Variants in ETV2 observed in about 807,000 individuals in gnomAD.
The protein encoded by ETV2 is ETS variant transcription factor 2.
ETV2 carries 34 observed loss-of-function variants against 35.7 expected under a neutral mutation model. That is an observed-to-expected ratio of 0.95 (90% CI 0.72 to 1.27). ETV2 has a LOEUF of 1.27. Among genes scored for constraint, ETV2 ranks in the 50% most tolerant of loss-of-function variants. The pLI is 0.00. For missense variants in ETV2, 512 were observed against 470.5 expected (o/e 1.09, Z -0.82); for synonymous variants, 207 against 203.9 (o/e 1.02, Z -0.13).
Position 35,644,592 on chromosome 19 carries a change from C to T in ETV2, c.829-60C>T. 6.7e-7 allele frequency: 1 copy of T among 1,495,312 alleles called. No homozygotes were observed. Among genetic ancestry groups the T allele is most frequent in the Non-Finnish European group, 9.0e-7 (1 of 1,110,104 alleles). 92.6% of individuals were successfully genotyped at this position (1,495,312 alleles called of 1,614,324 possible). On this transcript the variant is annotated intron_variant, in intron 6 of 6. Coordinates refer to ENST00000402764, the MANE Select transcript of ETV2 (RefSeq NM_014209.4). This position sits in a 1 kb window ranked among gnomAD's most constrained non-coding sequence, Gnocchi z 4.7. ...CTGCACACCGCCCCCAGGCCCGGCC[C>T]TCCCCACTATCGCCAAGCCCCGCCC...
rs1477327240 is a variant in ETV2, at chr19:35,644,184, G to A, written c.716-51G>A. ...CCCGGACCTCTAGATCATTGAAGTG[G>A]TGTGATCTAGGGCCGGGAAGACTGA... On this transcript the variant is annotated intron_variant, in intron 5 of 6. Coordinates refer to ENST00000402764, the MANE Select transcript of ETV2 (RefSeq NM_014209.4). This position sits in a 1 kb window ranked among gnomAD's most constrained non-coding sequence, Gnocchi z 4.7. 3.9e-5 allele frequency: 48 copies of A among 1,230,340 alleles called. No homozygotes were observed. The highest frequency in any genetic ancestry group is 5.4e-5 in the Non-Finnish European group (46 of 855,662). 76.2% of individuals were successfully genotyped at this position (1,230,340 alleles called of 1,614,324 possible).
At position 35,642,422 on chromosome 19, in the gene ETV2, T is replaced by C; in HGVS notation, c.-27-12T>C. 1.4e-6 allele frequency: 2 copies of C among 1,455,334 alleles called. No homozygotes were observed. Among genetic ancestry groups the C allele is most frequent in the South Asian group, 1.3e-5 (1 of 78,042 alleles). The allele number at this position is 1,455,334 out of a possible 1,614,324, so 90.2% of individuals were successfully genotyped here. On this transcript the variant is annotated splice_polypyrimidine_tract_variant and intron_variant, in intron 1 of 6. Coordinates refer to ENST00000402764, the MANE Select transcript of ETV2 (RefSeq NM_014209.4). This position sits in a 1 kb window ranked among gnomAD's most constrained non-coding sequence, Gnocchi z 4.4. ...AGCTCACCCATTGCCATCTGGACTT[T>C]TCCCGACCCAGAACATTCAGAAGGC...
rs771297959 is a variant in ETV2 at position 35,644,818 on chromosome 19, G to A, written c.995G>A (p.Cys332Tyr). 5.6e-6 allele frequency: 9 copies of A among 1,611,176 alleles called. No homozygotes were observed. The South Asian group carries it at 9.9e-5, about 18-fold the overall frequency. Residue 332 changes from cysteine to tyrosine, a missense_variant, in exon 7 of 7, where the codon TGT becomes TAT. By Grantham distance (194) the Cys-to-Tyr change is radical. Coordinates refer to ENST00000402764, the MANE Select transcript of ETV2 (RefSeq NM_014209.4). The surrounding 1 kb of genome is among the most constrained non-coding windows in gnomAD (Gnocchi z 4.7). Reference sequence around the variant, plus strand: ...GTGCCCAGCCTAGCCTATCCGGACTGTGCGGGAGGCGGACGGGGAGCAGAG... The same window carrying A: ...GTGCCCAGCCTAGCCTATCCGGACTATGCGGGAGGCGGACGGGGAGCAGAG... ...GRVPSLAYPD[C>Y]AGGGRGAETQ
Position 35,643,827 on chromosome 19 carries a change from G to GGGGCCC in ETV2, c.715+78_715+83dup. 1 of 1,589,484 alleles carries GGGGCCC rather than the reference G, an allele frequency of 6.3e-7. No homozygotes were observed. On this transcript the variant is annotated intron_variant, in intron 5 of 6. Transcript: ENST00000402764. The surrounding 1 kb of genome is among the most constrained non-coding windows in gnomAD (Gnocchi z 5.0). ...CCGGGACCCAGGCACCTAAGGGGGC[G>GGGGCCC]GGGCCCGGGAGACTGACAGTGAGGG...
Position 35,643,073 on chromosome 19 carries a change from TG to T in ETV2, c.235+32del. The T allele has an allele frequency of 7.0e-7, 1 of 1,421,556 alleles. No homozygotes were observed. The highest frequency in any genetic ancestry group is 9.6e-7 in the Non-Finnish European group (1 of 1,039,454). The allele number at this position is 1,421,556 out of a possible 1,614,324, so 88.1% of individuals were successfully genotyped here. ...GAGTGTGGGGAGAGGCGGTGGGAGG[TG>T]GGGACTGGGGTCCCGAGGCACCGGG... On this transcript the variant is annotated intron_variant, in intron 4 of 6. Transcript: ENST00000402764. This position sits in a 1 kb window ranked among gnomAD's most constrained non-coding sequence, Gnocchi z 5.0.
chr19:35,643,186 C>T lies in ETV2; in HGVS notation c.236-88C>T, dbSNP rs1282427656. 3 of 1,508,938 alleles carry T rather than the reference C, an allele frequency of 2.0e-6. No individual in the cohort carries two copies. Among genetic ancestry groups the T allele is most frequent in the Admixed American group, 4.5e-5 (2 of 44,716 alleles). 93.5% of individuals were successfully genotyped at this position (1,508,938 alleles called of 1,614,324 possible). ...TGACCTGGATCCGGGTCAGCCGGGC[C>T]CCAAGTGCCAGGGTTGAGAGCTTAG... is the stretch of plus-strand genomic sequence containing the variant. On this transcript the variant is annotated intron_variant, in intron 4 of 6. Coordinates refer to ENST00000402764, the MANE Select transcript of ETV2 (RefSeq NM_014209.4). This position sits in a 1 kb window ranked among gnomAD's most constrained non-coding sequence, Gnocchi z 5.0.
Position 35,643,042 on chromosome 19 carries a change from G to T in ETV2, c.232G>T (p.Ala78Ser), listed in dbSNP as rs761855999. 1.3e-6 allele frequency: 2 copies of T among 1,560,474 alleles called. No individual in the cohort carries two copies. The highest frequency in any genetic ancestry group is 1.4e-5 in the African/African-American group (1 of 73,632). ...ACTGCACCCAGAAGTTCCATGGGGG[G>T]CGGGTGAGTGTGGGGAGAGGCGGTG... is the stretch of plus-strand genomic sequence containing the variant. Reference protein sequence around the residue: ...ALLHPEVPWGAEPDSQALPWS... With the variant: ...ALLHPEVPWGSEPDSQALPWS... The change falls in exon 4 of 7, where the codon GCG becomes TCG. Residue 78 changes from alanine to serine, a missense_variant. Ala to Ser is a moderately conservative substitution (Grantham distance 99). Coordinates refer to ENST00000402764, the MANE Select transcript of ETV2 (RefSeq NM_014209.4). This position sits in a 1 kb window ranked among gnomAD's most constrained non-coding sequence, Gnocchi z 5.0.
In ETV2 at chr19:35,644,576, G is replaced by A; in HGVS notation, c.829-76G>A. ...CTCGCCCAGGTCTGCACTGCACACC[G>A]CCCCCAGGCCCGGCCCTCCCCACTA... On this transcript the variant is annotated intron_variant, in intron 6 of 6. Coordinates refer to ENST00000402764, the MANE Select transcript of ETV2 (RefSeq NM_014209.4). The surrounding 1 kb of genome is among the most constrained non-coding windows in gnomAD (Gnocchi z 4.7). The A allele has an allele frequency of 1.4e-6, 2 of 1,413,876 alleles. No individual in the cohort carries two copies. Among genetic ancestry groups the A allele is most frequent in the Non-Finnish European group, 1.9e-6 (2 of 1,047,570 alleles). 87.6% of individuals were successfully genotyped at this position (1,413,876 alleles called of 1,614,324 possible). A position where few individuals can be genotyped will look rare whatever the true frequency, so the allele number is the denominator to read the frequency against.
In ETV2 at chr19:35,644,230, C is replaced by CG; in HGVS notation, c.716-4dup. ...ACTGAGTGTGCCCCTCCCTTCATCC[C>CG]GCAGGTCCCATTCAGCTGTGGCAGT... On this transcript the variant is annotated splice_region_variant and splice_polypyrimidine_tract_variant and intron_variant, in intron 5 of 6. Transcript: ENST00000402764. This position sits in a 1 kb window ranked among gnomAD's most constrained non-coding sequence, Gnocchi z 4.7. The CG allele has an allele frequency of 6.5e-7, 1 of 1,544,682 alleles. No individual in the cohort carries two copies. The highest frequency in any genetic ancestry group is 8.8e-7 in the Non-Finnish European group (1 of 1,138,446).
At position 35,644,391 on chromosome 19, in the gene ETV2, T is replaced by A; in HGVS notation, c.828+44T>A. ...CCAGCCAAATCCGCCCCGTCTCTTC[T>A]AGTTCAATTTAGCTCCGCCCAAGGG... is the stretch of plus-strand genomic sequence containing the variant. On this transcript the variant is annotated intron_variant, in intron 6 of 6. Transcript: ENST00000402764. The surrounding 1 kb of genome is among the most constrained non-coding windows in gnomAD (Gnocchi z 4.7). The A allele has an allele frequency of 7.8e-7, 1 of 1,282,710 alleles. No homozygotes were observed. The highest frequency in any genetic ancestry group is 1.1e-6 in the Non-Finnish European group (1 of 905,386). 79.5% of individuals were successfully genotyped at this position (1,282,710 alleles called of 1,614,324 possible). A position where few individuals can be genotyped will look rare whatever the true frequency, so the allele number is the denominator to read the frequency against.
At position 35,642,683 on chromosome 19, in the gene ETV2, G is replaced by A; in HGVS notation, c.139G>A (p.Glu47Lys). The A allele has an allele frequency of 6.2e-7, 1 of 1,600,356 alleles. No homozygotes were observed. Among genetic ancestry groups the A allele is most frequent in the Admixed American group, 1.7e-5 (1 of 57,618 alleles). The part of the protein sequence containing the change: ...LQGDTPTATA[E>K]TCWKGTSSSL... ...AGGGGACACGCCGACAGCGACAGCA[G>A]AGACATGCTGGAAAGGTGGCTGCGG... Residue 47 changes from glutamate to lysine, a missense_variant, in exon 3 of 7, where the codon GAG becomes AAG. Transcript: ENST00000402764. This position sits in a 1 kb window ranked among gnomAD's most constrained non-coding sequence, Gnocchi z 4.4.
Position 35,644,142 on chromosome 19 carries a change from G to C in ETV2, c.716-93G>C, listed in dbSNP as rs763928279. The stretch of plus-strand genomic sequence containing the variant: ...GGCGGATCCCCTTCTCGGGTCCTGG[G>C]TCCCGAGTTGGGAGGACCCGGACCT... On this transcript the variant is annotated intron_variant, in intron 5 of 6. Transcript: ENST00000402764. This position sits in a 1 kb window ranked among gnomAD's most constrained non-coding sequence, Gnocchi z 4.7. 1.1e-6 allele frequency: 1 copy of C among 870,038 alleles called. No individual in the cohort carries two copies. The highest frequency in any genetic ancestry group is 1.7e-5 in the African/African-American group (1 of 60,232). 53.9% of individuals were successfully genotyped at this position (870,038 alleles called of 1,614,324 possible). A position where few individuals can be genotyped will look rare whatever the true frequency, so the allele number is the denominator to read the frequency against.
chr19:35,643,826 C>A lies in ETV2; in HGVS notation c.715+73C>A. 6.3e-7 allele frequency: 1 copy of A among 1,584,058 alleles called. No homozygotes were observed. The highest frequency in any genetic ancestry group is 8.6e-7 in the Non-Finnish European group (1 of 1,168,676). On this transcript the variant is annotated intron_variant, in intron 5 of 6. Coordinates refer to ENST00000402764, the MANE Select transcript of ETV2 (RefSeq NM_014209.4). The surrounding 1 kb of genome is among the most constrained non-coding windows in gnomAD (Gnocchi z 5.0). ...GCCGGGACCCAGGCACCTAAGGGGG[C>A]GGGGCCCGGGAGACTGACAGTGAGG... is the stretch of plus-strand genomic sequence containing the variant.
In ETV2 at chr19:35,642,482, G is replaced by A. The variant is rs1967626602; in HGVS notation, c.22G>A (p.Glu8Lys). Residue 8 changes from glutamate to lysine, a missense_variant, in exon 2 of 7, where the codon GAG becomes AAG. Transcript: ENST00000402764. This position sits in a 1 kb window ranked among gnomAD's most constrained non-coding sequence, Gnocchi z 4.4. ...ATCCATGGACCTGTGGAACTGGGAT[G>A]AGGCATCCCCACAGGAAGTGCCTCC... MDLWNWDEASPQEVPPGN... is the reference protein window; with the variant it reads MDLWNWDKASPQEVPPGN... 6.2e-7 allele frequency: 1 copy of A among 1,607,304 alleles called. No individual in the cohort carries two copies. The highest frequency in any genetic ancestry group is 8.5e-7 in the Non-Finnish European group (1 of 1,176,260).
Position 35,644,178 on chromosome 19 carries a change from G to C in ETV2, c.716-57G>C. On this transcript the variant is annotated intron_variant, in intron 5 of 6. Coordinates refer to ENST00000402764, the MANE Select transcript of ETV2 (RefSeq NM_014209.4). The surrounding 1 kb of genome is among the most constrained non-coding windows in gnomAD (Gnocchi z 4.7). ...GGAGGACCCGGACCTCTAGATCATT[G>C]AAGTGGTGTGATCTAGGGCCGGGAA... The C allele has an allele frequency of 8.5e-7, 1 of 1,179,388 alleles. No individual in the cohort carries two copies. Among genetic ancestry groups the C allele is most frequent in the East Asian group, 2.6e-5 (1 of 39,210 alleles). 73.1% of individuals were successfully genotyped at this position (1,179,388 alleles called of 1,614,324 possible). A position where few individuals can be genotyped will look rare whatever the true frequency, so the allele number is the denominator to read the frequency against.
rs1967657218 is a variant in ETV2, at chr19:35,643,303, G to A, written c.265G>A (p.Gly89Arg). ...CGACTCTCAGGCTCTTCCGTGGTCC[G>A]GGGACTGGACAGACATGGCGTGCAC... ...EPDSQALPWS[G>R]DWTDMACTAW... Residue 89 changes from glycine (G) to arginine (R), a missense_variant, in exon 5 of 7, where the codon GGG becomes AGG. Physicochemically the swap from Gly to Arg is moderately radical, Grantham distance 125. Coordinates refer to ENST00000402764, the MANE Select transcript of ETV2 (RefSeq NM_014209.4). The surrounding 1 kb of genome is among the most constrained non-coding windows in gnomAD (Gnocchi z 5.0). The A allele has an allele frequency of 6.2e-7, 1 of 1,601,882 alleles. No homozygotes were observed. The highest frequency in any genetic ancestry group is 8.5e-7 in the Non-Finnish European group (1 of 1,176,178).
chr19:35,643,998 C>A lies in ETV2; in HGVS notation c.716-237C>A, dbSNP rs953444860. Among the ~76,000 whole-genome samples, 7 of 152,132 alleles carry A rather than the reference C, an allele frequency of 4.6e-5. No homozygotes were observed. Among genetic ancestry groups the A allele is most frequent in the Non-Finnish European group, 8.8e-5 (6 of 68,006 alleles). The stretch of plus-strand genomic sequence containing the variant: ...GCTCCTGGATTATATAAAACGAAAG[C>A]GATAAAGGCCCAGATTCCTGGGTCT... On this transcript the variant is annotated intron_variant, in intron 5 of 6. Transcript: ENST00000402764. The surrounding 1 kb of genome is among the most constrained non-coding windows in gnomAD (Gnocchi z 5.0).
chr19:35,644,318 C>G lies in ETV2; in HGVS notation c.799C>G (p.Arg267Gly). Residue 267 changes from arginine (R) to glycine (G), a missense_variant, in exon 6 of 7, where the codon CGC becomes GGC. Arg to Gly is a moderately radical substitution (Grantham distance 125, BLOSUM62 -2). Transcript: ENST00000402764. This position sits in a 1 kb window ranked among gnomAD's most constrained non-coding sequence, Gnocchi z 4.7. Reference protein sequence around the residue: ...SSCIRWTGNSREFQLCDPKEV... With the variant: ...SSCIRWTGNSGEFQLCDPKEV... ...CTGCATCCGTTGGACTGGCAACAGCCGCGAGTTCCAGCTGTGCGACCCCAA... is the reference window on the plus strand; with the variant it reads ...CTGCATCCGTTGGACTGGCAACAGCGGCGAGTTCCAGCTGTGCGACCCCAA... 1 of 1,555,092 alleles carries G rather than the reference C, an allele frequency of 6.4e-7. No homozygotes were observed. The highest frequency in any genetic ancestry group is 1.2e-5 in the South Asian group (1 of 84,278).
rs1176414331 is a variant in ETV2 at position 35,644,399 on chromosome 19, T to A, written c.828+52T>A. ...ATCCGCCCCGTCTCTTCTAGTTCAATTTAGCTCCGCCCAAGGGCTAGGTTC... is the reference window on the plus strand; with the variant it reads ...ATCCGCCCCGTCTCTTCTAGTTCAAATTAGCTCCGCCCAAGGGCTAGGTTC... On this transcript the variant is annotated intron_variant, in intron 6 of 6. Transcript: ENST00000402764. The surrounding 1 kb of genome is among the most constrained non-coding windows in gnomAD (Gnocchi z 4.7). 2 of 1,262,160 alleles carry A rather than the reference T, an allele frequency of 1.6e-6. No homozygotes were observed. The highest frequency in any genetic ancestry group is 4.0e-5 in the Admixed American group (2 of 50,112). The allele number at this position is 1,262,160 out of a possible 1,614,324, so 78.2% of individuals were successfully genotyped here.
Sources: gnomAD v4.1 joint callset for allele counts (sites outside exome capture counted in the v4.1 genomes callset) on GRCh38, gnomAD v4.1.1 for gene constraint, Gnocchi (gnomAD v3.1) non-coding constraint, MANE v1.5 for transcripts, NCBI Gene and HGNC (gene_info 2026-07-23, HGNC 2026-07-21) for gene names.